The following TERF2 variants were observed in gnomAD, a reference collection of about 807,000 sequenced individuals.
The protein encoded by TERF2 is telomeric repeat binding factor 2.
TERF2 carries 16 observed loss-of-function variants against 56.1 expected under a neutral mutation model. The observed-to-expected ratio is 0.29, with a 90% CI of 0.19 to 0.43. The LOEUF is 0.43. Among genes scored for constraint, TERF2 ranks in the 20% least tolerant of loss-of-function variants. The pLI is 1.00. For missense variants in TERF2, 547 were observed against 712.9 expected (o/e 0.77, Z 2.65); for synonymous variants, 296 against 282.1 (o/e 1.05, Z -0.50).
At chr16:69,363,890 G>A (rs1476005451) in intron 7 of TERF2, among the ~76,000 whole-genome samples, 1 of 152,118 alleles carries the variant, frequency 6.6e-6, no homozygotes, top group Non-Finnish European at 1.5e-5. Flanking sequence ...GCTGAGGTAG[G>A]AGAATCGCTT....
At chr16:69,369,854 C>T (rs769788238) in intron 5 of TERF2, among the ~76,000 whole-genome samples, 13 of 152,168 alleles carry the variant, frequency 8.5e-5, no homozygotes, top group African/African-American at 3.1e-4. Flanking sequence ...TCTACCAAAC[C>T]ACCCTTCCTC....
Position 69,361,445 on chromosome 16 carries a change from T to C in TERF2, c.1385A>G (p.Lys462Arg). ...KWNSSNGVEE[K>R]ETWVEEDELF... ...TTCATCCTCTTCCACCCAAGTCTCC[T>C]TTTCTTCAACCCCATTAGAGCTGTT... The change falls in exon 8 of 10, where the codon AAG (lysine) becomes AGG (arginine). Residue 462 changes from lysine to arginine, a missense_variant. Around this residue, in one of 6 missense-constraint regions of TERF2, gnomAD observed 211 missense variants for 236.8 expected, o/e 0.89. Coordinates refer to ENST00000254942, the MANE Select transcript of TERF2 (RefSeq NM_005652.5). The C allele has an allele frequency of 3.7e-6, 6 of 1,614,034 alleles. No individual in the cohort carries two copies. Among genetic ancestry groups the C allele is most frequent in the Non-Finnish European group, 5.1e-6 (6 of 1,179,918 alleles).
Position 69,357,536 on chromosome 16 carries a change from G to A in TERF2, c.1452C>T (p.Thr484=), listed in dbSNP as rs1474157309. ...AAATTACCTGCTTTTTTGTTATATT[G>A]GTTGTACTGTCTTCATCTGGTGCTG... ...VQAAPDEDST[T]NITKKQKWTV... The change falls in exon 9 of 10, where the codon ACC becomes ACT. Residue 484 remains threonine (T), a synonymous_variant. Coordinates refer to ENST00000254942, the MANE Select transcript of TERF2 (RefSeq NM_005652.5). 6.2e-7 allele frequency: 1 copy of A among 1,613,116 alleles called. No homozygotes were observed. The highest frequency in any genetic ancestry group is 8.5e-7 in the Non-Finnish European group (1 of 1,179,686).
chr16:69,375,966 T>G (rs1490824946), intron 3 of TERF2, among the ~76,000 whole-genome samples: 1 of 152,216 alleles, frequency 6.6e-6, no homozygotes, highest in African/African-American at 2.4e-5. Flanking sequence ...AGATACCAGT[T>G]CTTTGTCAGG....
At chr16:69,361,282 G>A (rs1567443878) in intron 8 of TERF2, 122 bp downstream of exon 8, 4 of 712,826 alleles carry the variant, frequency 5.6e-6, no homozygotes, top group East Asian at 2.5e-5. Context: ...AAATGAGATC[G>A]GGAACTTACT....
At chr16:69,360,790 C>G (rs979008318) in intron 8 of TERF2, among the ~76,000 whole-genome samples, 1 of 151,494 alleles carries the variant, frequency 6.6e-6, no homozygotes. Flanking sequence ...GGGAATGACC[C>G]CCTACTACCA....
Position 69,385,501 on chromosome 16 carries a change from A to G in TERF2, c.380-15T>C. 1 of 1,613,572 alleles carries G rather than the reference A, an allele frequency of 6.2e-7. No homozygotes were observed. The highest frequency in any genetic ancestry group is 8.5e-7 in the Non-Finnish European group (1 of 1,179,790). ...GACAAGCAAAGCTGGGAGAGAAGACATCGTTGGCTGGGCGACCCCCAGTCC... is the reference window on the plus strand; with the variant it reads ...GACAAGCAAAGCTGGGAGAGAAGACGTCGTTGGCTGGGCGACCCCCAGTCC... On this transcript the variant is annotated splice_polypyrimidine_tract_variant and intron_variant, in intron 1 of 9. Coordinates refer to ENST00000254942, the MANE Select transcript of TERF2 (RefSeq NM_005652.5).
At position 69,384,629 on chromosome 16, in the gene TERF2, G is replaced by A. The variant is rs759783322; in HGVS notation, c.557C>T (p.Thr186Ile). Residue 186 changes from threonine to isoleucine, a missense_variant, in exon 3 of 10, where the codon ACA becomes ATA. Physicochemically the swap from Thr to Ile is moderately conservative, Grantham distance 89. This residue lies in a region of TERF2 where 97 missense variants were observed against 157.0 expected (regional missense o/e 0.62). Coordinates refer to ENST00000254942, the MANE Select transcript of TERF2 (RefSeq NM_005652.5). ...NVLEMIKTEF[T>I]LTEAVVESSR... ...GGATTCGACCACTGCTTCTGTCAGTGTAAATTCCGTTTTAATCATCTCCAG... is the reference window on the plus strand; with the variant it reads ...GGATTCGACCACTGCTTCTGTCAGTATAAATTCCGTTTTAATCATCTCCAG... 6.2e-7 allele frequency: 1 copy of A among 1,614,104 alleles called. No homozygotes were observed. Among genetic ancestry groups the A allele is most frequent in the South Asian group, 1.1e-5 (1 of 91,084 alleles).
chr16:69,362,978 G>C (rs1372395280), intron 7 of TERF2, among the ~76,000 whole-genome samples: 2 of 152,142 alleles, frequency 1.3e-5, no homozygotes, highest in Non-Finnish European at 2.9e-5. Flanking sequence ...ACATAGGCTT[G>C]AAAAAATTCC....
intron 3 of TERF2, among the ~76,000 whole-genome samples, chr16:69,383,843 CTGA>C (rs2142772812): frequency 6.6e-6 from 1 of 152,344 alleles, no homozygotes; most frequent in East Asian, 1.9e-4. Context: ...CAATGCTTAG[CTGA>C]TGTTTTCCAT....
At chr16:69,381,960 T>G (rs912618761) in intron 3 of TERF2, among the ~76,000 whole-genome samples, 1 of 152,150 alleles carries the variant, frequency 6.6e-6, no homozygotes, top group Admixed American at 6.5e-5. Flanking sequence ...AATTGGTAGT[T>G]TTAAAAAAAA....
At chr16:69,384,208 A>G (rs1308192461) in intron 3 of TERF2, among the ~76,000 whole-genome samples, 1 of 152,120 alleles carries the variant, frequency 6.6e-6, no homozygotes, top group Non-Finnish European at 1.5e-5. Context: ...TCAGTACCAC[A>G]TTTTCCAAGG....
chr16:69,377,242 T>C (rs544184522), intron 3 of TERF2, among the ~76,000 whole-genome samples: 16 of 152,096 alleles, frequency 1.1e-4, no homozygotes, highest in African/African-American at 3.4e-4. Flanking sequence ...AGATTGTGAC[T>C]GGAATTGTAT....
At chr16:69,374,735 A>T (rs2013711075) in intron 3 of TERF2, among the ~76,000 whole-genome samples, 1 of 135,296 alleles carries the variant, frequency 7.4e-6, no homozygotes, top group Non-Finnish European at 1.5e-5. Flanking sequence ...TGGGAGGCTG[A>T]GGTGGGCAGA....
chr16:69,356,161 G>A lies in TERF2; in HGVS notation c.*737C>T. On this transcript the variant is annotated 3_prime_UTR_variant, in exon 10 of 10. Coordinates refer to ENST00000254942, the MANE Select transcript of TERF2 (RefSeq NM_005652.5). ...ACTAAGTTCCTTTGCATTTGCATCA[G>A]AAGGCCAGAACTTGACGTGGAACAA... 2.2e-6 allele frequency: 1 copy of A among 453,580 alleles called. No homozygotes were observed. The allele number at this position is 453,580 out of a possible 1,614,324, so 28.1% of individuals were successfully genotyped here. A position where few individuals can be genotyped will look rare whatever the true frequency, so the allele number is the denominator to read the frequency against.
At position 69,368,364 on chromosome 16, in the gene TERF2, G is replaced by A; in HGVS notation, c.947+12C>T. On this transcript the variant is annotated intron_variant, in intron 6 of 9. Coordinates refer to ENST00000254942, the MANE Select transcript of TERF2 (RefSeq NM_005652.5). ...GTGTTTTACCCAAGATCACAAGAGA[G>A]CATCTTTTTACCTTGCGGGTTCTCT... The A allele has an allele frequency of 6.2e-7, 1 of 1,612,022 alleles. No homozygotes were observed. The highest frequency in any genetic ancestry group is 8.5e-7 in the Non-Finnish European group (1 of 1,179,094).
At chr16:69,382,026 G>A (rs1463249026) in intron 3 of TERF2, among the ~76,000 whole-genome samples, 8 of 152,016 alleles carry the variant, frequency 5.3e-5, no homozygotes, top group Admixed American at 2.6e-4. Context: ...TCTTGATCAC[G>A]CTAAGGAATC....
chr16:69,385,410 A>G lies in TERF2; in HGVS notation c.456T>C (p.Ile152=). 6.2e-7 allele frequency: 1 copy of G among 1,614,164 alleles called. No individual in the cohort carries two copies. The highest frequency in any genetic ancestry group is 2.2e-5 in the East Asian group (1 of 44,876). ...LLRVMQCLSR[I]EEGENLDCSF... is the part of the protein sequence containing the mutation. ...CCATACCTAAATTTTCCCCTTCTTC[A>G]ATCCGCGACAGACACTGCATAACCC... Residue 152 remains isoleucine, a synonymous_variant, in exon 2 of 10, where the codon ATT becomes ATC. Coordinates refer to ENST00000254942, the MANE Select transcript of TERF2 (RefSeq NM_005652.5).
At chr16:69,374,396 G>A (rs1218839264) in intron 3 of TERF2, among the ~76,000 whole-genome samples, 2 of 151,898 alleles carry the variant, frequency 1.3e-5, no homozygotes, top group Non-Finnish European at 2.9e-5. Flanking sequence ...TTGGGAAACT[G>A]AGACAGGAGG....
Sources: gnomAD v4.1 joint callset for allele counts (sites outside exome capture counted in the v4.1 genomes callset) on GRCh38, gnomAD v4.1.1 for gene constraint, gnomAD v4.1.1 regional missense constraint, MANE v1.5 for transcripts, NCBI Gene and HGNC (gene_info 2026-07-23, HGNC 2026-07-21) for gene names.